Variants in ZNF471 observed in about 807,000 individuals in gnomAD.
ZNF471 encodes zinc finger protein 471, also known as EZFIT-related protein 1.
In ZNF471, 7 loss-of-function variants were observed where a neutral mutation model predicts 13.7. That is an observed-to-expected ratio of 0.51 (90% CI 0.29 to 0.96). The LOEUF (loss-of-function observed/expected upper bound fraction) is 0.96, where lower values mean the gene tolerates loss of function less well. Among genes scored for constraint, ZNF471 ranks in the 40% least tolerant of loss-of-function variants. The probability of loss-of-function intolerance (pLI) is 0.08; values close to 1 mark genes in which losing one functional copy is unlikely to be tolerated. For synonymous variants in ZNF471, 218 were observed against 235.6 expected, an observed-to-expected ratio of 0.93 and a Z score of 0.68; for missense variants, 663 against 743.3, an observed-to-expected ratio of 0.89 and a Z score of 1.26.
rs950381453 is a variant in ZNF471 at position 56,510,989 on chromosome 19, CAG to C, written c.-55-527_-55-526del. The C allele has an allele frequency of 2.0e-6, 2 of 984,740 alleles. No homozygotes were observed. The highest frequency in any genetic ancestry group is 3.5e-5 in the African/African-American group (2 of 56,500). The allele number at this position is 984,740 out of a possible 1,614,324, so 61.0% of individuals were successfully genotyped here. ...TCGTTTCAGGGTGAGGAAAGTGAAA[CAG>C]TGCCGGGGGGTGGGTCAGGGATGCA... On this transcript the variant is annotated intron_variant, in intron 1 of 4. Transcript: ENST00000308031. This position sits in a 1 kb window ranked among gnomAD's most constrained non-coding sequence, Gnocchi z 4.3.
chr19:56,519,068 C>T (rs1254720164), intron 4 of ZNF471, among the ~76,000 whole-genome samples: 1 of 152,002 alleles, frequency 6.6e-6, no homozygotes, highest in Non-Finnish European at 1.5e-5. Flanking sequence ...TACTTTTTAG[C>T]TTTTTCATTA....
intron 3 of ZNF471, among the ~76,000 whole-genome samples, chr19:56,517,479 A>AT (rs1001482761): frequency 3.3e-5 from 5 of 151,180 alleles, no homozygotes; most frequent in Non-Finnish European, 7.4e-5. Flanking sequence ...ATTTTTTTGT[A>AT]TTTTTTTAGT....
In ZNF471 at chr19:56,518,510, C is replaced by T. The variant is rs1364593355; in HGVS notation, c.189C>T (p.Ile63=). ...LGLCISKPYV[I]SLLEQGREPW... is the part of the protein sequence containing the mutation. ...TTTGCATTTCTAAGCCATATGTGAT[C>T]TCCTTATTGGAGCAAGGGAGAGAGC... Residue 63 remains isoleucine, a synonymous_variant, in exon 4 of 5, where the codon ATC becomes ATT. Coordinates refer to ENST00000308031, the MANE Select transcript of ZNF471 (RefSeq NM_020813.4). The T allele has an allele frequency of 6.2e-7, 1 of 1,613,500 alleles. No homozygotes were observed. The highest frequency in any genetic ancestry group is 8.5e-7 in the Non-Finnish European group (1 of 1,179,808).
In ZNF471 at chr19:56,525,861, C is replaced by G; in HGVS notation, c.1794C>G (p.Pro598=). ...AAAGACTCCACACTGGCCAAAGGCC[C>G]TATCAGTGTTTTGAATGTGGGAAGG... is the stretch of plus-strand genomic sequence containing the variant. The part of the protein sequence containing the change: ...QHQRLHTGQR[P]YQCFECGKAF... Residue 598 remains proline, a synonymous_variant, in exon 5 of 5, where the codon CCC becomes CCG. Coordinates refer to ENST00000308031, the MANE Select transcript of ZNF471 (RefSeq NM_020813.4). The G allele has an allele frequency of 6.2e-7, 1 of 1,607,658 alleles. No homozygotes were observed. The highest frequency in any genetic ancestry group is 8.5e-7 in the Non-Finnish European group (1 of 1,178,320).
intron 2 of ZNF471, among the ~76,000 whole-genome samples, chr19:56,512,549 C>A (rs1223557760): frequency 6.6e-6 from 1 of 151,914 alleles, no homozygotes; most frequent in Admixed American, 6.6e-5. Context: ...TTCAAGTTGG[C>A]ACAATGGCAT....
intron 3 of ZNF471, among the ~76,000 whole-genome samples, chr19:56,517,416 C>T (rs111255103): frequency 5.3e-5 from 8 of 151,938 alleles, no homozygotes; most frequent in African/African-American, 1.9e-4. Flanking sequence ...CATTCTCCTG[C>T]CTCAGCCTCC....
Position 56,525,804 on chromosome 19 carries a change from T to C in ZNF471, c.1737T>C (p.Ala579=). ...ATAAATGTACTGAATGTGGAAAGGC[T>C]TTTAGTGATAGCTCATCCTGTGCTC... ...KPYKCTECGK[A]FSDSSSCAQH... Residue 579 remains alanine (A), a synonymous_variant, in exon 5 of 5, where the codon GCT becomes GCC. Transcript: ENST00000308031. The C allele has an allele frequency of 6.2e-7, 1 of 1,614,210 alleles. No individual in the cohort carries two copies. Among genetic ancestry groups the C allele is most frequent in the Non-Finnish European group, 8.5e-7 (1 of 1,180,036 alleles).
chr19:56,525,451 A>G lies in ZNF471; in HGVS notation c.1384A>G (p.Lys462Glu), dbSNP rs752308979. The G allele has an allele frequency of 3.1e-6, 5 of 1,614,090 alleles. No individual in the cohort carries two copies. Among genetic ancestry groups the G allele is most frequent in the Middle Eastern group, 1.6e-4 (1 of 6,084 alleles). The change falls in exon 5 of 5, where the codon AAG becomes GAG. Residue 462 changes from lysine to glutamate, a missense_variant. By Grantham distance (56) the Lys-to-Glu change is moderately conservative. Transcript: ENST00000308031. ...VHSGEKPYEC[K>E]ECGKAFRQNV... The stretch of plus-strand genomic sequence containing the variant: ...TTCTGGAGAGAAACCGTATGAATGC[A>G]AGGAATGTGGGAAAGCCTTTAGGCA...
At chr19:56,523,122 A>G (rs2043995879) in intron 4 of ZNF471, among the ~76,000 whole-genome samples, 1 of 152,252 alleles carries the variant, frequency 6.6e-6, no homozygotes, top group South Asian at 2.1e-4. Context: ...TCGTGGTAGT[A>G]AATAAGAATG....
In ZNF471 at chr19:56,524,311, T is replaced by TA. The variant is rs1555765867; in HGVS notation, c.257-11dup. 2.7e-6 allele frequency: 4 copies of TA among 1,502,412 alleles called. No homozygotes were observed. The highest frequency in any genetic ancestry group is 1.4e-5 in the South Asian group (1 of 71,834). 93.1% of individuals were successfully genotyped at this position (1,502,412 alleles called of 1,614,324 possible). On this transcript the variant is annotated splice_polypyrimidine_tract_variant and intron_variant, in intron 4 of 4. Transcript: ENST00000308031. The surrounding 1 kb of genome is among the most constrained non-coding windows in gnomAD (Gnocchi z 4.8). ...GATAAAGGGAACATTCACTTTTTTT[T>TA]AATATCTTTCAGATTGGGAATCTAT...
At chr19:56,517,146 T>C (rs199695463) in intron 3 of ZNF471, among the ~76,000 whole-genome samples, 2 of 73,750 alleles carry the variant, frequency 2.7e-5, no homozygotes, top group East Asian at 2.9e-4. Flanking sequence ...CTCGCTCTCT[T>C]TTTTTTTTTT....
Position 56,525,152 on chromosome 19 carries a change from T to C in ZNF471, c.1085T>C (p.Ile362Thr), listed in dbSNP as rs1568476569. The C allele has an allele frequency of 4.3e-6, 7 of 1,614,228 alleles. No homozygotes were observed. Among genetic ancestry groups the C allele is most frequent in the Non-Finnish European group, 5.9e-6 (7 of 1,180,040 alleles). ...GKAFRYNTSF[I>T]RHWRSYHTGE... Reference sequence around the variant, plus strand: ...GCTTTTAGGTATAACACATCTTTTATTCGTCACTGGAGGAGTTATCATACT... The same window carrying C: ...GCTTTTAGGTATAACACATCTTTTACTCGTCACTGGAGGAGTTATCATACT... Residue 362 changes from isoleucine (I) to threonine (T), a missense_variant, in exon 5 of 5, where the codon ATT (isoleucine) becomes ACT (threonine). By Grantham distance (89) the Ile-to-Thr change is moderately conservative (BLOSUM62 -1). Coordinates refer to ENST00000308031, the MANE Select transcript of ZNF471 (RefSeq NM_020813.4).
rs140040826 is a variant in ZNF471, at chr19:56,525,039, C to G, written c.972C>G (p.Gly324=). 2.5e-6 allele frequency: 4 copies of G among 1,613,296 alleles called. No individual in the cohort carries two copies. The highest frequency in any genetic ancestry group is 3.4e-6 in the Non-Finnish European group (4 of 1,179,746). The change falls in exon 5 of 5, where the codon GGC becomes GGG. Residue 324 remains glycine (G), a synonymous_variant. Coordinates refer to ENST00000308031, the MANE Select transcript of ZNF471 (RefSeq NM_020813.4). ...GEKPYECKEC[G]KAFSDGSSFA... Reference sequence around the variant, plus strand: ...AACCCTATGAATGTAAAGAATGTGGCAAAGCCTTCAGTGATGGCTCGTCTT... The same window carrying G: ...AACCCTATGAATGTAAAGAATGTGGGAAAGCCTTCAGTGATGGCTCGTCTT...
At chr19:56,511,439 G>A in intron 1 of ZNF471, 78 bp from the exon 2 acceptor site, 2 of 1,129,294 alleles carry the variant, frequency 1.8e-6, no homozygotes, top group Non-Finnish European at 2.5e-6. Flanking sequence ...CTGGGAAGAA[G>A]AAGACAGTTT....
chr19:56,520,983 G>C (rs1340637946), intron 4 of ZNF471, among the ~76,000 whole-genome samples: 1 of 152,224 alleles, frequency 6.6e-6, no homozygotes, highest in Non-Finnish European at 1.5e-5. Flanking sequence ...AGTCATGGCA[G>C]AAAGCAAAGG....
chr19:56,508,387 T>TGA lies in ZNF471; in HGVS notation c.-56+471_-56+472dup, dbSNP rs1486723867. Among the ~76,000 whole-genome samples, 1 of 149,282 alleles carries TGA rather than the reference T, an allele frequency of 6.7e-6. No homozygotes were observed. The highest frequency in any genetic ancestry group is 2.5e-5 in the African/African-American group (1 of 40,282). Reference sequence around the variant, plus strand: ...TTGAAAGAGAGCGTGTGAAGCTCAGTGAGAGGTTGCGAGGTGTGTGGGTGT... The same window carrying TGA: ...TTGAAAGAGAGCGTGTGAAGCTCAGTGAGAGAGGTTGCGAGGTGTGTGGGTGT... On this transcript the variant is annotated intron_variant, in intron 1 of 4. Transcript: ENST00000308031. The surrounding 1 kb of genome is among the most constrained non-coding windows in gnomAD (Gnocchi z 4.7).
chr19:56,518,181 C>G (rs565302795), intron 3 of ZNF471, among the ~76,000 whole-genome samples: 15 of 152,232 alleles, frequency 9.9e-5, no homozygotes, highest in Admixed American at 9.2e-4. Context: ...AGGCAATTAT[C>G]TCAAAACTTC....
At chr19:56,519,717 C>A (rs571119960) in intron 4 of ZNF471, among the ~76,000 whole-genome samples, 2 of 152,322 alleles carry the variant, frequency 1.3e-5, no homozygotes, top group South Asian at 4.1e-4. Flanking sequence ...ATACAATAGT[C>A]CCCCTATTCA....
At chr19:56,518,651 T>G in intron 4 of ZNF471, 74 bp downstream of exon 4, 1 of 1,247,136 alleles carries the variant, frequency 8.0e-7, no homozygotes, top group South Asian at 1.3e-5. Flanking sequence ...TGATACCTTC[T>G]CACTTATGCA....
Sources: allele counts gnomAD v4.1 joint callset (sites outside exome capture counted in the v4.1 genomes callset), GRCh38; gene constraint gnomAD v4.1.1; non-coding constraint Gnocchi (gnomAD v3.1); transcripts MANE v1.5; gene names NCBI Gene and HGNC (gene_info 2026-07-23, HGNC 2026-07-21).